NUP58: variants seen among roughly 807,000 people sequenced by gnomAD.
NUP58 encodes nucleoporin p58/p45.
Under a neutral mutation model 70.1 loss-of-function variants are expected in NUP58, and 17 were observed. The ratio of observed to expected loss-of-function variants is 0.24; its 90% CI spans 0.17 to 0.36. The LOEUF (loss-of-function observed/expected upper bound fraction) is 0.36, where lower values mean the gene tolerates loss of function less well. NUP58 is among the 10% of genes least tolerant of loss of function. The probability of loss-of-function intolerance (pLI) is 1.00; values close to 1 mark genes in which losing one functional copy is unlikely to be tolerated. For missense variants in NUP58, 644 were observed against 701.5 expected (o/e 0.92, Z 0.93); for synonymous variants, 275 against 257.6 (o/e 1.07, Z -0.65).
Position 25,301,762 on chromosome 13 carries a change from C to T in NUP58, c.-12C>T. 1.3e-6 allele frequency: 2 copies of T among 1,586,884 alleles called. No homozygotes were observed. Among genetic ancestry groups the T allele is most frequent in the South Asian group, 1.1e-5 (1 of 89,186 alleles). On this transcript the variant is annotated 5_prime_UTR_variant, in exon 1 of 16. Transcript: ENST00000381736. ...ATTTCGCCTTGCTGACGGCGTCGAG[C>T]CCTGGCCAGACATGTCCACAGGGTT...
chr13:25,325,884 T>C (rs1416623796), intron 10 of NUP58, among the ~76,000 whole-genome samples: 1 of 152,130 alleles, frequency 6.6e-6, no homozygotes, highest in African/African-American at 2.4e-5. Flanking sequence ...TTCTTTTAGT[T>C]TTTTATTATA....
chr13:25,329,918 G>T (rs1593195465), intron 12 of NUP58, among the ~76,000 whole-genome samples: 2 of 152,104 alleles, frequency 1.3e-5, no homozygotes, highest in Non-Finnish European at 1.5e-5. Context: ...AATCTCCTGG[G>T]CCCAAGCGAT....
At chr13:25,315,563 A>G (rs1032288494) in intron 6 of NUP58, 96 bp downstream of exon 6, 3 of 795,652 alleles carry the variant, frequency 3.8e-6, no homozygotes, top group South Asian at 3.2e-5. Context: ...TAGCAGTTAT[A>G]TATTTAGTAG....
Position 25,320,001 on chromosome 13 carries a change from C to T in NUP58, c.711-529C>T, listed in dbSNP as rs990259069. Reference sequence around the variant, plus strand: ...ATGCCAGATGTCACTTGTTCTTGTTCTCATTAAATATTTATTATTCCTGTA... The same window carrying T: ...ATGCCAGATGTCACTTGTTCTTGTTTTCATTAAATATTTATTATTCCTGTA... On this transcript the variant is annotated intron_variant, in intron 7 of 15. Transcript: ENST00000381736. Among the ~76,000 whole-genome samples, 9 of 152,020 alleles carry T rather than the reference C, an allele frequency of 5.9e-5. 1 individual carries two copies. Among genetic ancestry groups the T allele is most frequent in the Non-Finnish European group, 1.0e-4 (7 of 67,920 alleles).
downstream of NUP58, among the ~76,000 whole-genome samples, chr13:25,343,669 C>T (rs2032007687): frequency 6.6e-6 from 1 of 151,646 alleles, no homozygotes. Context: ...GTTGGCCAGC[C>T]TGGTCTCAAA....
chr13:25,322,325 T>TA (rs1355282283), intron 9 of NUP58, among the ~76,000 whole-genome samples: 1 of 152,242 alleles, frequency 6.6e-6, no homozygotes, highest in Non-Finnish European at 1.5e-5. Context: ...AATGATGTGT[T>TA]ACTAAAAGAG....
chr13:25,343,297 C>CT (rs929428863), downstream of NUP58, among the ~76,000 whole-genome samples: 5 of 151,330 alleles, frequency 3.3e-5, no homozygotes, highest in Admixed American at 6.6e-5. Context: ...AGTTTCTTCT[C>CT]TTTTTTTAAA....
intron 9 of NUP58, among the ~76,000 whole-genome samples, chr13:25,322,341 CTA>C (rs2137779393): frequency 6.6e-6 from 1 of 152,344 alleles, no homozygotes; most frequent in East Asian, 1.9e-4. Context: ...AAGAGCTACT[CTA>C]AACTGTAATG....
chr13:25,329,943 C>G (rs2031544705), intron 12 of NUP58, among the ~76,000 whole-genome samples: 1 of 152,154 alleles, frequency 6.6e-6, no homozygotes. Flanking sequence ...CCGCCTCAGG[C>G]TCAGCCTCTT....
At chr13:25,331,675 A>G in intron 13 of NUP58, 117 bp downstream of exon 13, 1 of 1,479,442 alleles carries the variant, frequency 6.8e-7, no homozygotes, top group South Asian at 1.4e-5. Context: ...TAGCTGTTCC[A>G]ATACAATCTA....
chr13:25,334,368 G>C, intron 13 of NUP58: 1 of 985,166 alleles, frequency 1.0e-6, no homozygotes, highest in South Asian at 4.7e-5. Flanking sequence ...TACATAATAA[G>C]ACTTTCTTAT....
In NUP58 at chr13:25,338,666, G is replaced by A; in HGVS notation, c.1565G>A (p.Ser522Asn). The change falls in exon 15 of 16, where the codon AGC (serine) becomes AAC (asparagine). Residue 522 changes from serine to asparagine, a missense_variant. This residue lies in a region of NUP58 where 132 missense variants were observed against 203.9 expected (regional missense o/e 0.65). Coordinates refer to ENST00000381736, the MANE Select transcript of NUP58 (RefSeq NM_014089.4). ...GFGTSSGFGC[S>N]TTGASTFGFG... ...GGAACTAGCTCTGGTTTTGGATGCA[G>A]CACCACAGGGGCCTCCACATTTGGA... 6.2e-7 allele frequency: 1 copy of A among 1,613,670 alleles called. No homozygotes were observed. Among genetic ancestry groups the A allele is most frequent in the Non-Finnish European group, 8.5e-7 (1 of 1,179,722 alleles).
chr13:25,301,980 C>G (rs2030033648), intron 1 of NUP58, 100 bp downstream of exon 1: 1 of 773,698 alleles, frequency 1.3e-6, no homozygotes, highest in African/African-American at 1.7e-5. Flanking sequence ...CTCTGGCTTC[C>G]TTCCCAGTGG....
chr13:25,343,427 C>A (rs1415870697), downstream of NUP58, among the ~76,000 whole-genome samples: 6 of 151,544 alleles, frequency 4.0e-5, no homozygotes, highest in Admixed American at 2.0e-4. Context: ...GTAATAGTCT[C>A]CCAATCCCAT....
chr13:25,332,122 A>G, intron 13 of NUP58: 1 of 990,752 alleles, frequency 1.0e-6, no homozygotes, highest in Non-Finnish European at 1.2e-6. Flanking sequence ...TGAAGATGAT[A>G]CATGCTAGAA....
At chr13:25,319,197 T>A in intron 6 of NUP58, 129 bp from the exon 7 acceptor site, 1 of 864,704 alleles carries the variant, frequency 1.2e-6, no homozygotes, top group Non-Finnish European at 1.9e-6. Flanking sequence ...ACATGATGTT[T>A]ATGAGGCAAG....
At chr13:25,313,333 T>C (rs2030766618) in intron 4 of NUP58, among the ~76,000 whole-genome samples, 1 of 152,202 alleles carries the variant, frequency 6.6e-6, no homozygotes, top group Admixed American at 6.5e-5. Flanking sequence ...TCATTTAATA[T>C]GAAGGTGAAG....
At chr13:25,326,575 G>C (rs915917167) in intron 10 of NUP58, among the ~76,000 whole-genome samples, 1 of 151,780 alleles carries the variant, frequency 6.6e-6, no homozygotes, top group African/African-American at 2.4e-5. Context: ...TATTTATATC[G>C]CTTCCCTTGC....
chr13:25,324,953 CT>C (rs59746219), intron 9 of NUP58, 35 bp from the exon 10 acceptor site: 148,872 of 1,087,782 alleles, frequency 0.14, 9 homozygotes, highest in South Asian at 0.16. Flanking sequence ...TCTTAACTGG[CT>C]TTTTTTTTTT....
Sources: allele counts gnomAD v4.1 joint callset (sites outside exome capture counted in the v4.1 genomes callset), GRCh38; gene constraint gnomAD v4.1.1; regional missense constraint gnomAD v4.1.1; transcripts MANE v1.5; gene names NCBI Gene and HGNC (gene_info 2026-07-23, HGNC 2026-07-21).